TMC2: variants seen among roughly 807,000 people sequenced by gnomAD.
TMC2 encodes the protein transmembrane channel-like protein 2.
TMC2 carries 102 observed loss-of-function variants against 105.9 expected under a neutral mutation model. The observed-to-expected ratio is 0.96, with a 90% CI of 0.82 to 1.14. TMC2 has a LOEUF of 1.14. Among genes scored for constraint, TMC2 ranks in the 50% most tolerant of loss-of-function variants. The pLI is 0.00. For missense variants in TMC2, 1,093 were observed against 1,134.3 expected, an observed-to-expected ratio of 0.96 and a Z score of 0.52; for synonymous variants, 402 against 422.8, an observed-to-expected ratio of 0.95 and a Z score of 0.60.
intron 7 of TMC2, among the ~76,000 whole-genome samples, chr20:2,580,325 T>C (rs1206239996): frequency 6.6e-6 from 1 of 152,222 alleles, no homozygotes; most frequent in Non-Finnish European, 1.5e-5. Context: ...ACCTACGACC[T>C]AATGTACTCA....
chr20:2,619,653 A>T (rs2086510668), intron 16 of TMC2, among the ~76,000 whole-genome samples: 1 of 152,188 alleles, frequency 6.6e-6, no homozygotes, highest in Admixed American at 6.5e-5. Flanking sequence ...CAGTGTTCAC[A>T]CAGAAGGAGG....
intron 16 of TMC2, 97 bp downstream of exon 16, chr20:2,617,408 T>C: frequency 6.7e-7 from 1 of 1,497,032 alleles, no homozygotes; most frequent in Non-Finnish European, 9.1e-7. Flanking sequence ...CATGCCAGCC[T>C]GTAAAAGGCC....
chr20:2,610,399 A>G lies in TMC2; in HGVS notation c.1414-20A>G, dbSNP rs766438180. On this transcript the variant is annotated intron_variant, in intron 11 of 19. Coordinates refer to ENST00000358864, the MANE Select transcript of TMC2 (RefSeq NM_080751.3). ...AAGTATAATGTTGATGACACAACGT[A>G]GGCTTTCCTGATTCCTCAGGTAGAG... is the stretch of plus-strand genomic sequence containing the variant. 6.9e-6 allele frequency: 11 copies of G among 1,599,662 alleles called. No homozygotes were observed. The highest frequency in any genetic ancestry group is 9.4e-6 in the Non-Finnish European group (11 of 1,172,016).
intron 8 of TMC2, 123 bp from the exon 9 acceptor site, chr20:2,594,702 C>G (rs1366162968): frequency 6.7e-6 from 7 of 1,044,932 alleles, no homozygotes; most frequent in African/African-American, 1.6e-5. Flanking sequence ...ATCTGGAACT[C>G]TTCCTTCGGC....
rs1876121121 is a variant in TMC2, at chr20:2,556,662, C to T, written c.83-1794C>T. Among the ~76,000 whole-genome samples, 4 of 152,100 alleles carry T rather than the reference C, an allele frequency of 2.6e-5. 1 individual carries two copies. The South Asian group carries it at 8.3e-4, about 31-fold the overall frequency. ...GCTGAGGCAGGAGGATCACTTGAGC[C>T]CAGCAGTGCAAGGTTATAGTGAGCT... On this transcript the variant is annotated intron_variant, in intron 2 of 19. Coordinates refer to ENST00000358864, the MANE Select transcript of TMC2 (RefSeq NM_080751.3).
intron 10 of TMC2, among the ~76,000 whole-genome samples, chr20:2,597,813 A>C (rs2086319856): frequency 6.6e-6 from 1 of 152,006 alleles, no homozygotes; most frequent in Non-Finnish European, 1.5e-5. Flanking sequence ...GTTTCTTAAT[A>C]TGACAGAGTA....
Position 2,612,241 on chromosome 20 carries a change from C to G in TMC2, c.1644C>G (p.Asn548Lys). 1 of 1,612,528 alleles carries G rather than the reference C, an allele frequency of 6.2e-7. No homozygotes were observed. The highest frequency in any genetic ancestry group is 8.5e-7 in the Non-Finnish European group (1 of 1,179,206). Residue 548 changes from asparagine (N) to lysine (K), a missense_variant, in exon 13 of 20, where the codon AAC becomes AAG. Transcript: ENST00000358864. ...IKNITHWTLF[N>K]YYNSSGWNES... ...ACATCACTCACTGGACTCTGTTTAA[C>G]TATTACAACTCTTCTGGTTGGAACG...
chr20:2,595,222 A>AT (rs2086297136), intron 9 of TMC2, among the ~76,000 whole-genome samples: 1 of 152,222 alleles, frequency 6.6e-6, no homozygotes, highest in Non-Finnish European at 1.5e-5. Context: ...GGGGAGCAGC[A>AT]TTTTAGACAA....
At chr20:2,541,772 A>G (rs756558843) in intron 2 of TMC2, among the ~76,000 whole-genome samples, 2 of 152,222 alleles carry the variant, frequency 1.3e-5, no homozygotes, top group Non-Finnish European at 2.9e-5. Context: ...AGTAATAAAT[A>G]TGCATTTTAA....
chr20:2,561,707 T>C, intron 3 of TMC2, 151 bp from the exon 4 acceptor site: 1 of 901,726 alleles, frequency 1.1e-6, no homozygotes. Context: ...GGTAGAATTT[T>C]GGCCTCCGCT....
At position 2,616,944 on chromosome 20, in the gene TMC2, C is replaced by T; in HGVS notation, c.1941-128C>T. The T allele has an allele frequency of 9.4e-7, 1 of 1,062,234 alleles. No individual in the cohort carries two copies. The highest frequency in any genetic ancestry group is 1.4e-6 in the Non-Finnish European group (1 of 728,614). 65.8% of individuals were successfully genotyped at this position (1,062,234 alleles called of 1,614,324 possible). ...TTCTGGTTAAATGGGAGGCCCCTTACCTGGGGACTTGCCAGGAAAGCAGCT... is the reference window on the plus strand; with the variant it reads ...TTCTGGTTAAATGGGAGGCCCCTTATCTGGGGACTTGCCAGGAAAGCAGCT... On this transcript the variant is annotated intron_variant, in intron 15 of 19. Transcript: ENST00000358864. This position sits in a 1 kb window ranked among gnomAD's most constrained non-coding sequence, Gnocchi z 4.8.
chr20:2,562,299 CTG>C (rs1384996798), intron 4 of TMC2, among the ~76,000 whole-genome samples: 1 of 152,280 alleles, frequency 6.6e-6, no homozygotes, highest in Non-Finnish European at 1.5e-5. Context: ...CTCGTGGCTT[CTG>C]TGCCTCCCTC....
Position 2,642,782 on chromosome 20 carries a change from G to C in TMC2, c.*1431G>C, listed in dbSNP as rs2086697733. 6.6e-6 allele frequency among the ~76,000 whole-genome samples: 1 copy of C among 151,944 alleles called. No individual in the cohort carries two copies. Among genetic ancestry groups the C allele is most frequent in the South Asian group, 2.1e-4 (1 of 4,826 alleles). The stretch of plus-strand genomic sequence containing the variant: ...GTGCTCCCAGACCCAGGTAAGCAGT[G>C]AGGCCTCAGAGGGCCCCAGAGACCC... On this transcript the variant is annotated 3_prime_UTR_variant, in exon 20 of 20. Transcript: ENST00000358864.
chr20:2,628,963 G>A (rs1219501704), intron 17 of TMC2, among the ~76,000 whole-genome samples: 8 of 151,440 alleles, frequency 5.3e-5, no homozygotes, highest in East Asian at 3.9e-4. Flanking sequence ...TTAGCCGGGC[G>A]TGGTGGCGGG....
chr20:2,621,890 C>T (rs1241114382), intron 16 of TMC2, among the ~76,000 whole-genome samples: 1 of 152,176 alleles, frequency 6.6e-6, no homozygotes, highest in Non-Finnish European at 1.5e-5. Context: ...TTTAAGCCAC[C>T]AGCGTGACAA....
chr20:2,568,105 C>G (rs2086077176), intron 4 of TMC2, among the ~76,000 whole-genome samples: 1 of 152,138 alleles, frequency 6.6e-6, no homozygotes, highest in Non-Finnish European at 1.5e-5. Flanking sequence ...CTAAAACTGT[C>G]TCAGATTTGG....
At chr20:2,632,807 T>C (rs2086613126) in intron 17 of TMC2, among the ~76,000 whole-genome samples, 1 of 152,176 alleles carries the variant, frequency 6.6e-6, no homozygotes, top group South Asian at 2.1e-4. Flanking sequence ...GCCAGGCTGG[T>C]CTCGAACTCC....
intron 16 of TMC2, among the ~76,000 whole-genome samples, chr20:2,618,855 C>T (rs1222456201): frequency 1.3e-5 from 2 of 152,206 alleles, no homozygotes; most frequent in Non-Finnish European, 2.9e-5. Context: ...TCTGAAGAAT[C>T]ATGCAATGAG....
intron 7 of TMC2, among the ~76,000 whole-genome samples, chr20:2,583,199 T>C (rs2086207501): frequency 6.6e-6 from 1 of 152,232 alleles, no homozygotes; most frequent in South Asian, 2.1e-4. Context: ...TGTCCTTATG[T>C]AACGCCTCCC....
Sources: allele counts gnomAD v4.1 joint callset (sites outside exome capture counted in the v4.1 genomes callset), GRCh38; gene constraint gnomAD v4.1.1; non-coding constraint Gnocchi (gnomAD v3.1); transcripts MANE v1.5; gene names NCBI Gene and HGNC (gene_info 2026-07-23, HGNC 2026-07-21).